The following SAMD12 variants were observed in gnomAD, a reference collection of about 807,000 sequenced individuals.
SAMD12 encodes sterile alpha motif domain containing 12, also known as sterile alpha motif domain-containing protein 12.
SAMD12 carries 9 observed loss-of-function variants against 15.0 expected under a neutral mutation model. That is an observed-to-expected ratio of 0.60 (90% CI 0.36 to 1.05). SAMD12 has a LOEUF of 1.05. Among genes scored for constraint, SAMD12 ranks in the 50% least tolerant of loss-of-function variants. The pLI is 0.01. For synonymous variants in SAMD12, 86 were observed against 90.1 expected (o/e 0.96, Z 0.25); for missense variants, 230 against 234.2 (o/e 0.98, Z 0.12).
At chr8:118,313,818 G>T (rs1815748594) in intron 4 of SAMD12, among the ~76,000 whole-genome samples, 2 of 151,550 alleles carry the variant, frequency 1.3e-5, no homozygotes, top group East Asian at 1.9e-4. Context: ...ATGCATAAAG[G>T]TTTTCATTTC....
chr8:118,566,446 G>C (rs947876829), intron 2 of SAMD12, among the ~76,000 whole-genome samples: 3 of 152,106 alleles, frequency 2.0e-5, no homozygotes, highest in Non-Finnish European at 4.4e-5. Context: ...TACCCAAATA[G>C]AACAGAAACC....
chr8:118,577,977 A>G (rs1191022658), intron 2 of SAMD12, among the ~76,000 whole-genome samples: 1 of 152,196 alleles, frequency 6.6e-6, no homozygotes, highest in East Asian at 1.9e-4. Context: ...TTTAAAATTC[A>G]AGCAAAGCAG....
chr8:118,230,518 T>A (rs1812288932), intron 4 of SAMD12, among the ~76,000 whole-genome samples: 1 of 152,022 alleles, frequency 6.6e-6, no homozygotes, highest in Admixed American at 6.6e-5. Flanking sequence ...GGGTCTGATG[T>A]ATGCAGTCAG....
chr8:118,320,406 G>A (rs1816169129), intron 4 of SAMD12, among the ~76,000 whole-genome samples: 1 of 152,132 alleles, frequency 6.6e-6, no homozygotes, highest in Non-Finnish European at 1.5e-5. Context: ...ATGAACTCCA[G>A]TGGCAGTCTG....
intron 1 of SAMD12, among the ~76,000 whole-genome samples, chr8:118,608,509 T>G (rs867148744): frequency 2.1e-4 from 32 of 152,086 alleles, no homozygotes; most frequent in Admixed American, 1.6e-3. Context: ...ATCTGTGTTT[T>G]GTTTTTGTTT....
chr8:118,494,428 G>C (rs542874371), intron 2 of SAMD12, among the ~76,000 whole-genome samples: 1 of 152,158 alleles, frequency 6.6e-6, no homozygotes, highest in African/African-American at 2.4e-5. Flanking sequence ...AACACCAGCA[G>C]TAGTTATGTG....
chr8:118,386,407 T>C (rs2130736613), intron 3 of SAMD12, among the ~76,000 whole-genome samples: 1 of 152,242 alleles, frequency 6.6e-6, no homozygotes, highest in South Asian at 2.1e-4. Flanking sequence ...GCACTTGGGA[T>C]TGGATTTGGG....
chr8:118,477,070 CTT>C (rs56341509), intron 2 of SAMD12, among the ~76,000 whole-genome samples: 139 of 142,726 alleles, frequency 9.7e-4, no homozygotes, highest in Middle Eastern at 3.6e-3. Flanking sequence ...CTTTCTTTTT[CTT>C]TTTTTTTTTT....
chr8:118,532,617 C>T (rs1471566779), intron 2 of SAMD12, among the ~76,000 whole-genome samples: 3 of 152,060 alleles, frequency 2.0e-5, no homozygotes, highest in African/African-American at 7.2e-5. Context: ...AATTTCAGAG[C>T]CTGTTATTGG....
rs924400338 is a variant in SAMD12, at chr8:118,621,797, C to G, written c.13+7G>C. 6.8e-6 allele frequency: 11 copies of G among 1,613,990 alleles called. No homozygotes were observed. The highest frequency in any genetic ancestry group is 1.7e-5 in the Admixed American group (1 of 60,002). ...GGGAGCTTAAAAATGCCCCAAGCGT[C>G]CCTTACCTTCCACAGCCATTCTCTC... On this transcript the variant is annotated splice_region_variant and intron_variant, in intron 1 of 3. Coordinates refer to ENST00000314727, the MANE Select transcript of SAMD12 (RefSeq NM_207506.3).
chr8:118,514,612 G>A (rs570591734), intron 2 of SAMD12, among the ~76,000 whole-genome samples: 9 of 152,180 alleles, frequency 5.9e-5, no homozygotes, highest in East Asian at 3.9e-4. Context: ...TATGCTCTTC[G>A]CACATGAAAT....
intron 2 of SAMD12, among the ~76,000 whole-genome samples, chr8:118,523,003 C>G (rs1586785564): frequency 6.6e-6 from 1 of 152,148 alleles, no homozygotes; most frequent in Non-Finnish European, 1.5e-5. Flanking sequence ...TGACATTTCT[C>G]TAGCTGAAAA....
intron 4 of SAMD12, among the ~76,000 whole-genome samples, chr8:118,362,286 C>T (rs544377711): frequency 3.1e-4 from 47 of 151,982 alleles, no homozygotes; most frequent in African/African-American, 5.3e-4. Flanking sequence ...AAACTCTTTC[C>T]GTAACAAAAC....
chr8:118,512,456 T>A (rs1300338274), intron 2 of SAMD12, among the ~76,000 whole-genome samples: 1 of 152,190 alleles, frequency 6.6e-6, no homozygotes, highest in Non-Finnish European at 1.5e-5. Context: ...TTGAACAAAT[T>A]CTGAATAATT....
At chr8:118,132,133 C>T in the SAMD12 span, among the ~76,000 whole-genome samples, 1 of 152,100 alleles carries the variant, frequency 6.6e-6, no homozygotes, top group Non-Finnish European at 1.5e-5. Flanking sequence ...AATTGAAATT[C>T]TCTCTCTACA....
chr8:118,199,717 T>C (rs543967442), intron 4 of SAMD12, among the ~76,000 whole-genome samples: 1 of 152,214 alleles, frequency 6.6e-6, no homozygotes, highest in Non-Finnish European at 1.5e-5. Context: ...AAAGCACTTA[T>C]AACCATGGAT....
chr8:118,565,985 TC>T (rs1274660556), intron 2 of SAMD12, among the ~76,000 whole-genome samples: 3 of 152,182 alleles, frequency 2.0e-5, no homozygotes, highest in African/African-American at 4.8e-5. Context: ...TACAAAAAAA[TC>T]CCTTCCTCAT....
At chr8:118,463,178 G>A (rs1007261345) in intron 2 of SAMD12, among the ~76,000 whole-genome samples, 50 of 151,836 alleles carry the variant, frequency 3.3e-4, no homozygotes, top group African/African-American at 1.1e-3. Context: ...GTGGGGAATG[G>A]ATGGCTTCTT....
intron 4 of SAMD12, among the ~76,000 whole-genome samples, chr8:118,261,663 C>G (rs1469581582): frequency 6.7e-6 from 1 of 149,974 alleles, no homozygotes; most frequent in East Asian, 1.9e-4. Flanking sequence ...TTCCCATGCT[C>G]TCAGTGACTG....
Sources: gnomAD v4.1 joint callset for allele counts (sites outside exome capture counted in the v4.1 genomes callset) on GRCh38, gnomAD v4.1.1 for gene constraint, MANE v1.5 for transcripts, NCBI Gene and HGNC (gene_info 2026-07-23, HGNC 2026-07-21) for gene names.